NSMCE1: variants seen among roughly 807,000 people sequenced by gnomAD.
NSMCE1 encodes the protein NSE1 component of SMC5/6 complex, also known as non-structural maintenance of chromosomes element 1 homolog.
A neutral mutation model predicts 29.6 loss-of-function variants in NSMCE1; 18 were observed. The ratio of observed to expected loss-of-function variants is 0.61; its 90% CI spans 0.42 to 0.90. NSMCE1 has a LOEUF of 0.90. Among genes scored for constraint, NSMCE1 ranks in the 40% least tolerant of loss-of-function variants. The pLI is 0.00. For missense variants in NSMCE1, 314 were observed against 343.6 expected, an observed-to-expected ratio of 0.91 and a Z score of 0.68; for synonymous variants, 124 against 133.4, an observed-to-expected ratio of 0.93 and a Z score of 0.49.
chr16:27,226,039 G>A, intron 6 of NSMCE1, 193 bp from the exon 7 acceptor site: 2 of 619,704 alleles, frequency 3.2e-6, no homozygotes, highest in Non-Finnish European at 5.4e-6. Flanking sequence ...TGTTGCGGTG[G>A]GTTTTACTAA....
At chr16:27,247,691 C>T (rs1418185888) in intron 2 of NSMCE1, among the ~76,000 whole-genome samples, 1 of 152,150 alleles carries the variant, frequency 6.6e-6, no homozygotes, top group Non-Finnish European at 1.5e-5. Flanking sequence ...CTTTGGGAGG[C>T]CGAGGTGGGC....
intron 2 of NSMCE1, 46 bp from the exon 3 acceptor site, chr16:27,235,345 A>G: frequency 6.2e-7 from 1 of 1,600,732 alleles, no homozygotes; most frequent in Non-Finnish European, 8.5e-7. Context: ...AGGGGGCCTC[A>G]TCAAAAAAAT....
intron 2 of NSMCE1, among the ~76,000 whole-genome samples, chr16:27,254,700 C>T (rs970465175): frequency 4.6e-5 from 7 of 152,082 alleles, no homozygotes; most frequent in Admixed American, 1.3e-4. Flanking sequence ...ATCCTCCTGC[C>T]TCAGCTTCCT....
Position 27,226,078 on chromosome 16 carries a change from A to G in NSMCE1, c.601-232T>C, listed in dbSNP as rs910608149. 3.0e-5 allele frequency: 14 copies of G among 462,820 alleles called. No homozygotes were observed. In the Admixed American group the frequency reaches 4.5e-4, roughly 15 times the overall value. The allele number at this position is 462,820 out of a possible 1,614,324, so 28.7% of individuals were successfully genotyped here. On this transcript the variant is annotated intron_variant, in intron 6 of 7. Coordinates refer to ENST00000361439, the MANE Select transcript of NSMCE1 (RefSeq NM_145080.4). ...ATTCTGAACACATGAACGCAGTGAC[A>G]GAAGCCGAGGGCTCCCAAACTCCTG... is the stretch of plus-strand genomic sequence containing the variant.
intron 7 of NSMCE1, 39 bp downstream of exon 7, chr16:27,225,687 G>A (rs771291993): frequency 6.2e-7 from 1 of 1,611,982 alleles, no homozygotes; most frequent in East Asian, 2.2e-5. Context: ...ACGTCCTGCT[G>A]GCCCAGCCCC....
chr16:27,257,081 T>C (rs975399419), intron 2 of NSMCE1, among the ~76,000 whole-genome samples: 12 of 152,272 alleles, frequency 7.9e-5, no homozygotes, highest in Admixed American at 6.5e-4. Context: ...GTACATATCA[T>C]GTCTCTCAAT....
In NSMCE1 at chr16:27,262,086, A is replaced by C. The variant is rs563742251; in HGVS notation, c.-11-4505T>G. On this transcript the variant is annotated intron_variant, in intron 1 of 7. Coordinates refer to ENST00000361439, the MANE Select transcript of NSMCE1 (RefSeq NM_145080.4). Reference sequence around the variant, plus strand: ...TGATGAAACTCTGTCGCTACCAAAAATACAAAAATTGGTTGGGCGGGGTGG... The same window carrying C: ...TGATGAAACTCTGTCGCTACCAAAACTACAAAAATTGGTTGGGCGGGGTGG... Among the ~76,000 whole-genome samples, 7 of 152,258 alleles carry C rather than the reference A, an allele frequency of 4.6e-5. No homozygotes were observed. The East Asian group carries it at 1.4e-3, about 29-fold the overall frequency.
intron 2 of NSMCE1, among the ~76,000 whole-genome samples, chr16:27,249,306 C>G (rs1238253705): frequency 6.6e-6 from 1 of 152,096 alleles, no homozygotes; most frequent in East Asian, 1.9e-4. Flanking sequence ...TTTATCGATT[C>G]ATTCTCTTAT....
At chr16:27,256,064 T>A (rs1161709990) in intron 2 of NSMCE1, among the ~76,000 whole-genome samples, 1 of 152,186 alleles carries the variant, frequency 6.6e-6, no homozygotes, top group African/African-American at 2.4e-5. Flanking sequence ...AATGAAAGCA[T>A]CTTTTTGCCT....
At chr16:27,244,236 G>T (rs79939181) in intron 2 of NSMCE1, among the ~76,000 whole-genome samples, 1 of 152,220 alleles carries the variant, frequency 6.6e-6, no homozygotes, top group Non-Finnish European at 1.5e-5. Context: ...CACTTTATCC[G>T]TGGAGGACTC....
intron 7 of NSMCE1, 46 bp from the exon 8 acceptor site, chr16:27,225,282 G>A (rs1424180922): frequency 8.6e-7 from 1 of 1,160,526 alleles, no homozygotes; most frequent in African/African-American, 1.5e-5. Flanking sequence ...GGAGGGGCTG[G>A]CAGCACAGGG....
rs772421490 is a variant in NSMCE1, at chr16:27,225,761, G to A, written c.686C>T (p.Pro229Leu). ...GTGGGGCCAGTAGTCGTTGCAGTGG[G>A]GGCAGCGCGGTTCAGCATTCGACTG... ...YFQSNAEPRCPHCNDYWPHEI... is the reference protein window; with the variant it reads ...YFQSNAEPRCLHCNDYWPHEI... The change falls in exon 7 of 8, where the codon CCC (proline) becomes CTC (leucine). Residue 229 changes from proline to leucine, a missense_variant. Transcript: ENST00000361439. 2 of 1,614,098 alleles carry A rather than the reference G, an allele frequency of 1.2e-6. No individual in the cohort carries two copies. The highest frequency in any genetic ancestry group is 2.7e-5 in the African/African-American group (2 of 74,940).
At chr16:27,258,942 G>A (rs1186234980) in intron 1 of NSMCE1, among the ~76,000 whole-genome samples, 2 of 151,900 alleles carry the variant, frequency 1.3e-5, no homozygotes, top group African/African-American at 4.8e-5. Flanking sequence ...GTAGAGACGG[G>A]TTTCACCATG....
chr16:27,228,275 C>T (rs898538278), intron 5 of NSMCE1, among the ~76,000 whole-genome samples: 4 of 152,106 alleles, frequency 2.6e-5, no homozygotes, highest in African/African-American at 9.7e-5. Flanking sequence ...ACAGCCGCTG[C>T]GGGAACAGTG....
At chr16:27,248,560 G>A (rs547247860) in intron 2 of NSMCE1, among the ~76,000 whole-genome samples, 24 of 151,716 alleles carry the variant, frequency 1.6e-4, no homozygotes, top group South Asian at 1.3e-3. Context: ...ACAGGCACCC[G>A]CCACCAAGCC....
rs116033396 is a variant in NSMCE1, at chr16:27,249,509, C to T, written c.136+7926G>A. On this transcript the variant is annotated intron_variant, in intron 2 of 7. Transcript: ENST00000361439. ...TTTGATTATGGATATCCAATTATTC[C>T]AGCACTCATTTTGGAAAAGACTATT... 7.9e-3 allele frequency among the ~76,000 whole-genome samples: 1,208 copies of T among 152,252 alleles called. 9 individuals are homozygous for T. The highest frequency in any genetic ancestry group is 0.027 in the African/African-American group (1,127 of 41,536).
chr16:27,261,185 A>T (rs1484168905), intron 1 of NSMCE1, among the ~76,000 whole-genome samples: 1 of 146,482 alleles, frequency 6.8e-6, no homozygotes, highest in Non-Finnish European at 1.5e-5. Flanking sequence ...AAAAAAAAAG[A>T]AACTATAAAA....
At position 27,257,524 on chromosome 16, in the gene NSMCE1, C is replaced by T. The variant is rs780455552; in HGVS notation, c.47G>A (p.Arg16Gln). 7 of 1,613,748 alleles carry T rather than the reference C, an allele frequency of 4.3e-6. No homozygotes were observed. Among genetic ancestry groups the T allele is most frequent in the African/African-American group, 1.3e-5 (1 of 74,864 alleles). The change falls in exon 2 of 8, where the codon CGG becomes CAG. Residue 16 changes from arginine to glutamine, a missense_variant. By Grantham distance (43) the Arg-to-Gln change is conservative (BLOSUM62 1). Coordinates refer to ENST00000361439, the MANE Select transcript of NSMCE1 (RefSeq NM_145080.4). ...GGTCATCAGCAACTGGAGGAAGCGC[C>T]GGTGGACATCAGTCATGACGCCCAT... ...RRMGVMTDVH[R>Q]RFLQLLMTHG... is the part of the protein sequence containing the mutation.
At chr16:27,261,814 G>A (rs2084160601) in intron 1 of NSMCE1, among the ~76,000 whole-genome samples, 1 of 152,166 alleles carries the variant, frequency 6.6e-6, no homozygotes, top group Non-Finnish European at 1.5e-5. Context: ...TATGTCCTAA[G>A]CAAAATGCTA....
Sources: gnomAD v4.1 joint callset for allele counts (sites outside exome capture counted in the v4.1 genomes callset) on GRCh38, gnomAD v4.1.1 for gene constraint, MANE v1.5 for transcripts, NCBI Gene and HGNC (gene_info 2026-07-23, HGNC 2026-07-21) for gene names.